The following MAGI2 variants were observed in gnomAD, a reference collection of about 807,000 sequenced individuals.
The protein encoded by MAGI2 is membrane-associated guanylate kinase, WW and PDZ domain-containing protein 2.
Under a neutral mutation model 133.3 loss-of-function variants are expected in MAGI2, and 35 were observed. That is an observed-to-expected ratio of 0.26 (90% CI 0.20 to 0.35). The LOEUF (loss-of-function observed/expected upper bound fraction) is 0.35. Among genes scored for constraint, MAGI2 ranks in the 10% least tolerant of loss-of-function variants. The pLI, the probability that MAGI2 is intolerant of heterozygous loss-of-function variation, is 1.00. For missense variants in MAGI2, 1,636 were observed against 1,863.4 expected (o/e 0.88, Z 2.25); for synonymous variants, 729 against 710.6 (o/e 1.03, Z -0.41).
intron 6 of MAGI2, among the ~76,000 whole-genome samples, chr7:78,381,301 C>T (rs140013327): frequency 6.6e-6 from 1 of 152,112 alleles, no homozygotes; most frequent in Non-Finnish European, 1.5e-5. Flanking sequence ...GAGTTGAGAT[C>T]GCGCCACTGC....
intron 1 of MAGI2, among the ~76,000 whole-genome samples, chr7:79,059,329 A>G (rs1424701048): frequency 6.6e-6 from 1 of 152,066 alleles, no homozygotes; most frequent in Admixed American, 6.6e-5. Context: ...TGTCATCCAC[A>G]ACCTCTGGCA....
rs1822977413 is a variant in MAGI2, at chr7:78,746,904, CT to C, written c.419-119666del. 2.0e-5 allele frequency among the ~76,000 whole-genome samples: 3 copies of C among 152,164 alleles called. No homozygotes were observed. The South Asian group carries it at 6.2e-4, about 32-fold the overall frequency. ...CTGGCATGGAAATATCTAATTTTTCCTGATTACAATAAAAGATGAAATAACT... is the reference window on the plus strand; with the variant it reads ...CTGGCATGGAAATATCTAATTTTTCCGATTACAATAAAAGATGAAATAACT... On this transcript the variant is annotated intron_variant, in intron 2 of 21. Transcript: ENST00000354212.
At chr7:79,272,131 A>G (rs535058735) in intron 1 of MAGI2, among the ~76,000 whole-genome samples, 2 of 152,292 alleles carry the variant, frequency 1.3e-5, no homozygotes, top group East Asian at 3.9e-4. Context: ...CCTAAAATGT[A>G]TGTATTAAAA....
intron 1 of MAGI2, among the ~76,000 whole-genome samples, chr7:79,270,249 T>C (rs553467314): frequency 2.2e-4 from 34 of 152,230 alleles, no homozygotes; most frequent in Non-Finnish European, 4.0e-4. Flanking sequence ...TTTGGGGAAA[T>C]TGATTTGAGT....
At chr7:78,598,589 A>C in intron 3 of MAGI2, among the ~76,000 whole-genome samples, 1 of 152,198 alleles carries the variant, frequency 6.6e-6, no homozygotes, top group East Asian at 1.9e-4. Context: ...GCAAGGAAAT[A>C]AAATGATTGG....
At chr7:78,755,114 C>T (rs926331129) in intron 2 of MAGI2, among the ~76,000 whole-genome samples, 3 of 152,194 alleles carry the variant, frequency 2.0e-5, no homozygotes, top group African/African-American at 4.8e-5. Flanking sequence ...GTTAGCAGAG[C>T]GTTTGAAGAT....
intron 3 of MAGI2, chr7:78,615,919 C>T (rs1032242220): frequency 1.3e-5 from 2 of 152,012 alleles, no homozygotes; most frequent in Non-Finnish European, 2.9e-5. Flanking sequence ...TTTAAAGTCA[C>T]TCTAACATAA....
chr7:78,452,615 G>T (rs866255805), intron 6 of MAGI2, among the ~76,000 whole-genome samples: 6 of 151,572 alleles, frequency 4.0e-5, no homozygotes, highest in Middle Eastern at 6.8e-3. Flanking sequence ...TTATAATAAA[G>T]ACATAATCTT....
At chr7:78,653,089 C>A (rs1442410414) in intron 2 of MAGI2, among the ~76,000 whole-genome samples, 1 of 152,118 alleles carries the variant, frequency 6.6e-6, no homozygotes, top group East Asian at 1.9e-4. Context: ...AATGAGATAC[C>A]ATCTCATGCC....
rs576196625 is a variant in MAGI2, at chr7:78,053,331, G to A, written c.3706+25616C>T. Among the ~76,000 whole-genome samples, 74 of 152,310 alleles carry A rather than the reference G, an allele frequency of 4.9e-4. No homozygotes were observed. The South Asian group carries it at 0.014, about 29-fold the overall frequency. On this transcript the variant is annotated intron_variant, in intron 21 of 21. Coordinates refer to ENST00000354212, the MANE Select transcript of MAGI2 (RefSeq NM_012301.4). ...GAGCTTTGTCAGATGTGTAGGTGAG[G>A]AGACCCTTAATATAGAAGCTGTCCC... is the stretch of plus-strand genomic sequence containing the variant.
At chr7:78,339,414 C>A (rs565221602) in intron 9 of MAGI2, among the ~76,000 whole-genome samples, 1 of 152,042 alleles carries the variant, frequency 6.6e-6, no homozygotes, top group East Asian at 1.9e-4. Flanking sequence ...GGCAAACTAG[C>A]AAAATGAGTA....
At chr7:79,056,346 A>AT (rs1454613553) in intron 1 of MAGI2, among the ~76,000 whole-genome samples, 1 of 152,124 alleles carries the variant, frequency 6.6e-6, no homozygotes. Flanking sequence ...AGCCTGGTAG[A>AT]TTTTTTTCTA....
At chr7:78,584,024 A>C (rs1803128269) in intron 3 of MAGI2, among the ~76,000 whole-genome samples, 1 of 152,204 alleles carries the variant, frequency 6.6e-6, no homozygotes. Flanking sequence ...GTTTTATAAG[A>C]AGCTTATGTA....
At chr7:78,578,188 T>C (rs1049736163) in intron 3 of MAGI2, among the ~76,000 whole-genome samples, 29 of 152,078 alleles carry the variant, frequency 1.9e-4, no homozygotes, top group Admixed American at 1.4e-3. Flanking sequence ...ATTCTGGTTG[T>C]ATTTAAGAAT....
intron 1 of MAGI2, among the ~76,000 whole-genome samples, chr7:79,052,274 A>T (rs1812744934): frequency 6.6e-6 from 1 of 152,188 alleles, no homozygotes; most frequent in African/African-American, 2.4e-5. Flanking sequence ...CAGGGGGATC[A>T]AGTGGGATCC....
At chr7:78,682,449 C>A (rs1362025496) in intron 2 of MAGI2, among the ~76,000 whole-genome samples, 2 of 152,148 alleles carry the variant, frequency 1.3e-5, no homozygotes, top group Non-Finnish European at 2.9e-5. Flanking sequence ...GTTCAACTCC[C>A]ACTTATGAGT....
intron 1 of MAGI2, among the ~76,000 whole-genome samples, chr7:79,092,938 A>G (rs948098515): frequency 6.6e-6 from 1 of 152,158 alleles, no homozygotes; most frequent in East Asian, 1.9e-4. Flanking sequence ...TACATTAAAA[A>G]CAAAACTTTC....
intron 21 of MAGI2, among the ~76,000 whole-genome samples, chr7:78,041,687 C>G (rs1810861791): frequency 6.6e-6 from 1 of 152,064 alleles, no homozygotes; most frequent in Admixed American, 6.6e-5. Context: ...AAACAAAAAG[C>G]AAAACAAAAC....
chr7:78,828,918 T>C (rs1385345265), intron 2 of MAGI2, among the ~76,000 whole-genome samples: 1 of 152,140 alleles, frequency 6.6e-6, no homozygotes, highest in Non-Finnish European at 1.5e-5. Flanking sequence ...GATCTGACCC[T>C]TTGAAACAAA....
Sources: allele counts gnomAD v4.1 joint callset (sites outside exome capture counted in the v4.1 genomes callset), GRCh38; gene constraint gnomAD v4.1.1; transcripts MANE v1.5; gene names NCBI Gene and HGNC (gene_info 2026-07-23, HGNC 2026-07-21).